ST8SIA1: variants seen among roughly 807,000 people sequenced by gnomAD.
ST8SIA1 encodes the protein alpha-N-acetylneuraminide alpha-2,8-sialyltransferase.
In ST8SIA1, 16 loss-of-function variants were observed where a neutral mutation model predicts 35.9. The observed-to-expected ratio is 0.45, with a 90% CI of 0.30 to 0.68. ST8SIA1 has a LOEUF of 0.68. Ranked by LOEUF, ST8SIA1 falls within the 30% of genes least tolerant of loss-of-function variation. ST8SIA1 has a pLI of 0.09. For synonymous variants in ST8SIA1, 170 were observed against 169.6 expected (o/e 1.00, Z -0.02); for missense variants, 383 against 453.6 (o/e 0.84, Z 1.41).
chr12:22,325,409 G>T, intron 1 of ST8SIA1: 1 of 701,192 alleles, frequency 1.4e-6, no homozygotes, highest in Non-Finnish European at 2.6e-6. Context: ...CCTAATTAGA[G>T]CGACACAGCT....
At position 22,227,972 on chromosome 12, in the gene ST8SIA1, C is replaced by A. The variant is rs538977459; in HGVS notation, c.584+21034G>T. On this transcript the variant is annotated intron_variant, in intron 4 of 4. Transcript: ENST00000396037. ...TTTAGTGATAGAGATAAAAATTGCACCTCCAGCTGCACTGTTCTAAGGGCT... is the reference window on the plus strand; with the variant it reads ...TTTAGTGATAGAGATAAAAATTGCAACTCCAGCTGCACTGTTCTAAGGGCT... 5.9e-5 allele frequency among the ~76,000 whole-genome samples: 9 copies of A among 152,316 alleles called. No homozygotes were observed. The East Asian group carries it at 1.7e-3, about 29-fold the overall frequency.
intron 4 of ST8SIA1, among the ~76,000 whole-genome samples, chr12:22,217,068 T>C (rs1261017630): frequency 1.3e-5 from 2 of 152,196 alleles, no homozygotes; most frequent in African/African-American, 4.8e-5. Flanking sequence ...CAGAATATGG[T>C]AATTTCCGAG....
chr12:22,239,740 C>T (rs935918794), intron 4 of ST8SIA1, among the ~76,000 whole-genome samples: 5 of 152,126 alleles, frequency 3.3e-5, no homozygotes, highest in African/African-American at 1.2e-4. Flanking sequence ...TTTGTTTGAA[C>T]ATAGTATGTG....
chr12:22,215,455 A>T (rs549689904), intron 4 of ST8SIA1, among the ~76,000 whole-genome samples: 2 of 152,346 alleles, frequency 1.3e-5, no homozygotes, highest in East Asian at 3.9e-4. Flanking sequence ...ACAACCAGTA[A>T]ACCAAAAAAT....
At chr12:22,278,409 T>G (rs1026718849) in intron 2 of ST8SIA1, among the ~76,000 whole-genome samples, 5 of 152,196 alleles carry the variant, frequency 3.3e-5, no homozygotes, top group Non-Finnish European at 7.3e-5. Flanking sequence ...CTTACTGACC[T>G]TGGGTGTCAT....
chr12:22,271,042 T>C (rs969046869), intron 2 of ST8SIA1, among the ~76,000 whole-genome samples: 1 of 152,216 alleles, frequency 6.6e-6, no homozygotes, highest in African/African-American at 2.4e-5. Context: ...GTAGGTAGTT[T>C]ACGTCTGCAG....
At chr12:22,230,734 A>C (rs1244042419) in intron 4 of ST8SIA1, among the ~76,000 whole-genome samples, 1 of 152,186 alleles carries the variant, frequency 6.6e-6, no homozygotes, top group African/African-American at 2.4e-5. Flanking sequence ...TGAATAGAGT[A>C]GAGACTAGAC....
chr12:22,240,102 G>A (rs1056812962), intron 4 of ST8SIA1, among the ~76,000 whole-genome samples: 7 of 152,038 alleles, frequency 4.6e-5, no homozygotes, highest in Admixed American at 2.0e-4. Context: ...GTCCTCTTGA[G>A]TAGCTAATTT....
At chr12:22,215,326 CA>C (rs1865223317) in intron 4 of ST8SIA1, among the ~76,000 whole-genome samples, 2 of 152,140 alleles carry the variant, frequency 1.3e-5, no homozygotes, top group Non-Finnish European at 2.9e-5. Context: ...ACACTCCTAG[CA>C]ATTATTTATT....
intron 4 of ST8SIA1, among the ~76,000 whole-genome samples, chr12:22,230,417 C>T (rs1356802371): frequency 6.6e-6 from 1 of 152,060 alleles, no homozygotes; most frequent in African/African-American, 2.4e-5. Context: ...CAAAAGCCAT[C>T]ATTAATCTTG....
chr12:22,298,877 A>G (rs544244426), intron 1 of ST8SIA1, among the ~76,000 whole-genome samples: 1 of 152,348 alleles, frequency 6.6e-6, no homozygotes, highest in Non-Finnish European at 1.5e-5. Context: ...GCAACAGTTA[A>G]GGAGAAGCAT....
chr12:22,304,830 T>C (rs1204783298), intron 1 of ST8SIA1, among the ~76,000 whole-genome samples: 1 of 152,252 alleles, frequency 6.6e-6, no homozygotes, highest in East Asian at 1.9e-4. Flanking sequence ...AAGTAGTCCC[T>C]ATCTAAATAA....
chr12:22,280,995 C>A (rs1464433346), intron 2 of ST8SIA1, among the ~76,000 whole-genome samples: 1 of 152,122 alleles, frequency 6.6e-6, no homozygotes, highest in African/African-American at 2.4e-5. Context: ...TTATGTTTCC[C>A]GAAATCCCAG....
At chr12:22,297,284 T>C (rs988353352) in intron 1 of ST8SIA1, among the ~76,000 whole-genome samples, 4 of 151,232 alleles carry the variant, frequency 2.6e-5, no homozygotes, top group African/African-American at 9.7e-5. Flanking sequence ...AACATTAAGA[T>C]GATAAGGGAA....
chr12:22,227,429 C>A (rs1565571854), intron 4 of ST8SIA1, among the ~76,000 whole-genome samples: 1 of 151,932 alleles, frequency 6.6e-6, no homozygotes, highest in Non-Finnish European at 1.5e-5. Flanking sequence ...CAAAAATCAG[C>A]CAGGCATGGT....
In ST8SIA1 at chr12:22,201,643, T is replaced by A; in HGVS notation, c.980A>T (p.Glu327Val). 2 of 1,614,104 alleles carry A rather than the reference T, an allele frequency of 1.2e-6. No individual in the cohort carries two copies. The highest frequency in any genetic ancestry group is 1.7e-6 in the Non-Finnish European group (2 of 1,179,990). ...ATGAAGATACCAGAGTTGGAGAAAT[T>A]CCTCGGGCATGGCATGGAAGCCAGA... ...PFSGFHAMPE[E>V]FLQLWYLHKI... Residue 327 changes from glutamate (E) to valine (V), a missense_variant, in exon 5 of 5, where the codon GAA (glutamate) becomes GTA (valine). Glu to Val is a moderately radical substitution (Grantham distance 121, BLOSUM62 -2). Transcript: ENST00000396037.
chr12:22,331,172 G>C (rs1866759011), intron 1 of ST8SIA1, among the ~76,000 whole-genome samples: 1 of 152,080 alleles, frequency 6.6e-6, no homozygotes, highest in African/African-American at 2.4e-5. Context: ...CTTAAATTTT[G>C]GTGTTTATAA....
chr12:22,285,886 A>AAAACAAAAAAAAAAAAC (rs1555160057), intron 2 of ST8SIA1, among the ~76,000 whole-genome samples: 11 of 109,712 alleles, frequency 1.0e-4, no homozygotes, highest in African/African-American at 2.9e-4. Flanking sequence ...ACAAAAAAAA[A>AAAACAAAAAAAAAAAAC]AAAAAAAAAA....
chr12:22,267,839 T>A (rs1284288175), intron 2 of ST8SIA1, among the ~76,000 whole-genome samples: 4 of 152,202 alleles, frequency 2.6e-5, no homozygotes, highest in African/African-American at 4.8e-5. Flanking sequence ...CAGTGATGTT[T>A]GTGATCCACC....
Sources: gnomAD v4.1 joint callset for allele counts (sites outside exome capture counted in the v4.1 genomes callset) on GRCh38, gnomAD v4.1.1 for gene constraint, MANE v1.5 for transcripts, NCBI Gene and HGNC (gene_info 2026-07-23, HGNC 2026-07-21) for gene names.